Variants in LRRC4C observed in about 807,000 individuals in gnomAD.
The protein encoded by LRRC4C is leucine-rich repeat-containing protein 4C.
A neutral mutation model predicts 33.6 loss-of-function variants in LRRC4C; 5 were observed. The observed-to-expected ratio is 0.15, with a 90% CI of 0.08 to 0.31. The LOEUF (loss-of-function observed/expected upper bound fraction) is 0.31. LRRC4C is among the 10% of genes least tolerant of loss of function. LRRC4C has a pLI of 1.00. For missense variants in LRRC4C, 560 were observed against 796.7 expected, an observed-to-expected ratio of 0.70 and a Z score of 3.58; for synonymous variants, 329 against 302.0, an observed-to-expected ratio of 1.09 and a Z score of -0.93.
At chr11:40,198,968 G>T (rs1166709460) in intron 5 of LRRC4C, among the ~76,000 whole-genome samples, 1 of 152,224 alleles carries the variant, frequency 6.6e-6, no homozygotes, top group Non-Finnish European at 1.5e-5. Flanking sequence ...TAGCAGGAAG[G>T]CAAATACAAA....
intron 1 of LRRC4C, among the ~76,000 whole-genome samples, chr11:41,346,702 T>G (rs953874715): frequency 6.6e-6 from 1 of 152,224 alleles, no homozygotes; most frequent in African/African-American, 2.4e-5. Context: ...ATCTTAGCTT[T>G]CAAAAGGTTC....
chr11:41,359,778 G>T (rs1293786744), intron 1 of LRRC4C, among the ~76,000 whole-genome samples: 1 of 152,176 alleles, frequency 6.6e-6, no homozygotes, highest in Non-Finnish European at 1.5e-5. Flanking sequence ...TGGCTTAGAT[G>T]AAATTCAAAC....
intron 2 of LRRC4C, among the ~76,000 whole-genome samples, chr11:40,847,353 TGAA>T (rs1390786763): frequency 6.6e-6 from 1 of 152,226 alleles, no homozygotes; most frequent in Non-Finnish European, 1.5e-5. Context: ...TTTTTTAGCA[TGAA>T]GGAGTGTTGA....
At chr11:40,389,952 G>T (rs1949273161) in intron 3 of LRRC4C, among the ~76,000 whole-genome samples, 1 of 152,140 alleles carries the variant, frequency 6.6e-6, no homozygotes, top group African/African-American at 2.4e-5. Flanking sequence ...GTTAGAGTTA[G>T]AAGTCACCCC....
At chr11:41,135,311 C>G (rs1040833797) in intron 1 of LRRC4C, among the ~76,000 whole-genome samples, 3 of 152,076 alleles carry the variant, frequency 2.0e-5, no homozygotes, top group African/African-American at 7.2e-5. Context: ...CAATAAAAAA[C>G]AGACGTGCTA....
chr11:40,494,566 A>G (rs754559508), intron 3 of LRRC4C, among the ~76,000 whole-genome samples: 1 of 152,140 alleles, frequency 6.6e-6, no homozygotes, highest in East Asian at 1.9e-4. Flanking sequence ...TCTGTTTTAC[A>G]TATGACATAA....
At chr11:40,745,096 C>A (rs1225802110) in intron 2 of LRRC4C, among the ~76,000 whole-genome samples, 2 of 152,176 alleles carry the variant, frequency 1.3e-5, no homozygotes, top group Non-Finnish European at 2.9e-5. Context: ...ACATGGAATG[C>A]ATAAGCAGTA....
intron 3 of LRRC4C, among the ~76,000 whole-genome samples, chr11:40,578,139 CGGTT>C (rs1958286375): frequency 1.6e-4 from 1 of 6,146 alleles, no homozygotes; most frequent in Non-Finnish European, 2.9e-4. Context: ...TTTTTTTTTT[CGGTT>C]TTTTTTTTTT....
chr11:40,998,967 C>A (rs1854171743), intron 1 of LRRC4C, among the ~76,000 whole-genome samples: 1 of 152,102 alleles, frequency 6.6e-6, no homozygotes, highest in Non-Finnish European at 1.5e-5. Flanking sequence ...AGAGTGCCAA[C>A]ATGACATGAA....
At chr11:40,647,652 G>A (rs961384997) in intron 3 of LRRC4C, among the ~76,000 whole-genome samples, 2 of 152,122 alleles carry the variant, frequency 1.3e-5, no homozygotes, top group African/African-American at 4.8e-5. Context: ...ATCTCCCCAG[G>A]TTTTCAAAGA....
At chr11:41,246,470 C>A (rs2136601427) in intron 1 of LRRC4C, among the ~76,000 whole-genome samples, 1 of 152,254 alleles carries the variant, frequency 6.6e-6, no homozygotes, top group East Asian at 1.9e-4. Context: ...CAGAGATGCC[C>A]CATCCGCAGT....
intron 1 of LRRC4C, among the ~76,000 whole-genome samples, chr11:41,151,356 G>A (rs1262937054): frequency 2.0e-5 from 3 of 152,158 alleles, no homozygotes; most frequent in Non-Finnish European, 4.4e-5. Flanking sequence ...GGTGGCATGT[G>A]CAGCAGATAA....
intron 6 of LRRC4C, among the ~76,000 whole-genome samples, chr11:40,131,879 G>A (rs940328341): frequency 6.6e-6 from 1 of 152,040 alleles, no homozygotes; most frequent in African/African-American, 2.4e-5. Context: ...AGTTCTCTTA[G>A]TTTTATTTTT....
chr11:40,529,098 T>G (rs1956173191), intron 3 of LRRC4C, among the ~76,000 whole-genome samples: 1 of 152,158 alleles, frequency 6.6e-6, no homozygotes, highest in African/African-American at 2.4e-5. Context: ...TGTTTTACAC[T>G]GTTGACTGTC....
intron 1 of LRRC4C, among the ~76,000 whole-genome samples, chr11:41,047,408 T>C (rs1464334965): frequency 6.6e-6 from 1 of 152,124 alleles, no homozygotes; most frequent in African/African-American, 2.4e-5. Context: ...GATGATGTAA[T>C]ATGATGCAAC....
rs118140504 is a variant in LRRC4C, at chr11:40,957,293, C to T, written c.-495-23570G>A. ...TCGCTTAGCAATTGTAGGTGACAGG[C>T]GGGCTAGTATCACAGGTAAAACATT... On this transcript the variant is annotated intron_variant, in intron 1 of 6. Coordinates refer to ENST00000528697, the MANE Select transcript of LRRC4C (RefSeq NM_001258419.2). Among the ~76,000 whole-genome samples, 59 of 151,790 alleles carry T rather than the reference C, an allele frequency of 3.9e-4. 1 individual carries two copies. The South Asian group carries it at 7.9e-3, about 20-fold the overall frequency.
intron 1 of LRRC4C, among the ~76,000 whole-genome samples, chr11:41,219,495 G>A (rs1947209176): frequency 1.3e-5 from 2 of 152,230 alleles, no homozygotes; most frequent in South Asian, 4.1e-4. Context: ...ACACATTCTT[G>A]AAGTCCAGTC....
At chr11:40,589,517 A>G (rs1043643709) in intron 3 of LRRC4C, among the ~76,000 whole-genome samples, 1 of 148,924 alleles carries the variant, frequency 6.7e-6, no homozygotes, top group African/African-American at 2.5e-5. Context: ...TGATCCTGTC[A>G]TTATGATGTT....
chr11:41,062,923 C>T (rs952264895), intron 1 of LRRC4C, among the ~76,000 whole-genome samples: 1 of 151,956 alleles, frequency 6.6e-6, no homozygotes, highest in Non-Finnish European at 1.5e-5. Flanking sequence ...CTAGCAACCA[C>T]CAGAAATGAG....
Sources: gnomAD v4.1 joint callset for allele counts (sites outside exome capture counted in the v4.1 genomes callset) on GRCh38, gnomAD v4.1.1 for gene constraint, MANE v1.5 for transcripts, NCBI Gene and HGNC (gene_info 2026-07-23, HGNC 2026-07-21) for gene names.